ARHGAP23: variants seen among roughly 807,000 people sequenced by gnomAD.
ARHGAP23 encodes the protein Rho GTPase activating protein 23.
A neutral mutation model predicts 136.3 loss-of-function variants in ARHGAP23; 34 were observed. The ratio of observed to expected loss-of-function variants is 0.25; its 90% CI spans 0.19 to 0.33. The LOEUF (loss-of-function observed/expected upper bound fraction) is 0.33. Among genes scored for constraint, ARHGAP23 ranks in the 10% least tolerant of loss-of-function variants. ARHGAP23 has a pLI of 1.00. For synonymous variants in ARHGAP23, 832 were observed against 920.5 expected, an observed-to-expected ratio of 0.90 and a Z score of 1.74; for missense variants, 1,808 against 2,139.0, an observed-to-expected ratio of 0.85 and a Z score of 3.05.
chr17:38,495,713 C>G (rs181411721), intron 20 of ARHGAP23, among the ~76,000 whole-genome samples: 223 of 152,286 alleles, frequency 1.5e-3, no homozygotes, highest in African/African-American at 5.0e-3. Flanking sequence ...CCCCTAGGTG[C>G]CCACTCTTAA....
chr17:38,492,004 C>T (rs935956202), intron 20 of ARHGAP23, among the ~76,000 whole-genome samples: 4 of 152,314 alleles, frequency 2.6e-5, no homozygotes, highest in African/African-American at 9.6e-5. Flanking sequence ...GGTGATGTTC[C>T]TGGTAACAAG....
At chr17:38,454,160 G>C (rs1408177888) in intron 1 of ARHGAP23, 2 of 152,506 alleles carry the variant, frequency 1.3e-5, no homozygotes, top group African/African-American at 4.8e-5. Context: ...GCGGGGCCGG[G>C]GCCGGGGCCG....
intron 22 of ARHGAP23, among the ~76,000 whole-genome samples, chr17:38,499,960 G>A (rs1390795858): frequency 6.6e-6 from 1 of 152,098 alleles, no homozygotes; most frequent in Non-Finnish European, 1.5e-5. Context: ...TTCATAACTG[G>A]GTGATAACTG....
upstream of ARHGAP23, among the ~76,000 whole-genome samples, chr17:38,423,491 C>G (rs1188394413): frequency 6.6e-6 from 1 of 152,096 alleles, no homozygotes; most frequent in Non-Finnish European, 1.5e-5. Flanking sequence ...CCTGCCTCAG[C>G]CTCCTGAGTA....
chr17:38,427,563 G>C (rs759885779), upstream of ARHGAP23, among the ~76,000 whole-genome samples: 1 of 152,218 alleles, frequency 6.6e-6, no homozygotes, highest in African/African-American at 2.4e-5. Context: ...AAAGAAGCTG[G>C]CTCAGGACCA....
At chr17:38,424,773 T>C (rs12452524), upstream of ARHGAP23, among the ~76,000 whole-genome samples, 40,257 of 152,156 alleles carry the variant, frequency 0.26, 6,261 homozygotes, top group African/African-American at 0.43. Flanking sequence ...TTGGGTAAGA[T>C]ACTTGAGTTC....
At chr17:38,440,083 G>A (rs1473961865) in intron 1 of ARHGAP23, among the ~76,000 whole-genome samples, 4 of 151,750 alleles carry the variant, frequency 2.6e-5, no homozygotes, top group Non-Finnish European at 5.9e-5. Flanking sequence ...GTGCAATGGC[G>A]TGATCTCTGC....
intron 7 of ARHGAP23, among the ~76,000 whole-genome samples, chr17:38,467,804 T>C (rs1261503727): frequency 6.6e-6 from 1 of 152,220 alleles, no homozygotes; most frequent in African/African-American, 2.4e-5. Context: ...TTTCTTTCCT[T>C]TGACTCTTCC....
intron 1 of ARHGAP23, among the ~76,000 whole-genome samples, chr17:38,442,876 A>T (rs915979615): frequency 1.3e-5 from 2 of 152,168 alleles, no homozygotes; most frequent in Non-Finnish European, 2.9e-5. Context: ...CAGAGAGGTG[A>T]CTGCCGCTTG....
chr17:38,434,494 G>A (rs915401738), intron 1 of ARHGAP23, among the ~76,000 whole-genome samples: 2 of 152,208 alleles, frequency 1.3e-5, no homozygotes, highest in East Asian at 1.9e-4. Context: ...GGCGGGGCGT[G>A]GGGATGACTG....
At chr17:38,499,039 T>C in intron 22 of ARHGAP23, 1 of 696,974 alleles carries the variant, frequency 1.4e-6, no homozygotes, top group Admixed American at 2.0e-5. Context: ...AGGCAGAATG[T>C]CCCGGACTGT....
chr17:38,488,637 C>T lies in ARHGAP23; in HGVS notation c.2987-1465C>T, dbSNP rs183119569. On this transcript the variant is annotated intron_variant, in intron 17 of 23. Transcript: ENST00000622683. Reference sequence around the variant, plus strand: ...GATCTTGGCTCACTGCAACCTCTGCCTCCTGGGTTCAAGCGATTCTCCTGC... The same window carrying T: ...GATCTTGGCTCACTGCAACCTCTGCTTCCTGGGTTCAAGCGATTCTCCTGC... 2.0e-3 allele frequency among the ~76,000 whole-genome samples: 310 copies of T among 152,300 alleles called. 4 individuals carry two copies. The highest frequency in any genetic ancestry group is 5.1e-4 in the Non-Finnish European group (35 of 68,040).
At chr17:38,428,388 C>T (rs2038604497), upstream of ARHGAP23, 4 of 441,956 alleles carry the variant, frequency 9.1e-6, no homozygotes, top group Non-Finnish European at 1.4e-5. Context: ...GGGGGGCCCC[C>T]CCACACCGCG....
At chr17:38,428,779 C>T (rs1443111403) in intron 1 of ARHGAP23, among the ~76,000 whole-genome samples, 1 of 152,056 alleles carries the variant, frequency 6.6e-6, no homozygotes, top group East Asian at 1.9e-4. Flanking sequence ...GGCAAGGGGT[C>T]GGGACGGGCA....
At position 38,475,793 on chromosome 17, in the gene ARHGAP23, C is replaced by T. The variant is rs1255983869; in HGVS notation, c.2119-1786C>T. ...GACAAGCTCCCTGTCCCCAGGACAG[C>T]CTGAGGCTGCAGTAAGTTCTTGGAA... On this transcript the variant is annotated intron_variant, in intron 11 of 23. Transcript: ENST00000622683. 2.0e-5 allele frequency among the ~76,000 whole-genome samples: 3 copies of T among 152,180 alleles called. No homozygotes were observed. The East Asian group carries it at 5.8e-4, about 29-fold the overall frequency.
intron 6 of ARHGAP23, among the ~76,000 whole-genome samples, chr17:38,464,997 C>G (rs762496514): frequency 1.3e-5 from 2 of 150,062 alleles, no homozygotes; most frequent in African/African-American, 4.9e-5. Context: ...GAGAGAGAGT[C>G]GGGTGGGGGT....
intron 6 of ARHGAP23, 115 bp from the exon 7 acceptor site, chr17:38,466,052 G>T (rs1313535838): frequency 6.0e-6 from 2 of 334,528 alleles, no homozygotes; most frequent in Non-Finnish European, 8.3e-6. Flanking sequence ...TCCCCCCACC[G>T]CTTGGTCCTC....
At chr17:38,421,396 C>T (rs1325595855) in intron 1 of ARHGAP23, among the ~76,000 whole-genome samples, 8 of 152,220 alleles carry the variant, frequency 5.3e-5, no homozygotes, top group Admixed American at 2.0e-4. Flanking sequence ...GCACACTCTC[C>T]GAGGTGCCTA....
intron 23 of ARHGAP23, among the ~76,000 whole-genome samples, chr17:38,508,384 G>C (rs2040680567): frequency 6.6e-6 from 1 of 152,238 alleles, no homozygotes; most frequent in African/African-American, 2.4e-5. Context: ...TATTTCCACA[G>C]TGAGGGCTGT....
Sources: allele counts gnomAD v4.1 joint callset (sites outside exome capture counted in the v4.1 genomes callset), GRCh38; gene constraint gnomAD v4.1.1; transcripts MANE v1.5; gene names NCBI Gene and HGNC (gene_info 2026-07-23, HGNC 2026-07-21).